The following RNF38 variants were observed in gnomAD, a reference collection of about 807,000 sequenced individuals.
RNF38 encodes the protein ring finger protein 38.
Under a neutral mutation model 67.2 loss-of-function variants are expected in RNF38, and 15 were observed. The ratio of observed to expected loss-of-function variants is 0.22; its 90% CI spans 0.15 to 0.34. The LOEUF (loss-of-function observed/expected upper bound fraction) is 0.34, where lower values mean the gene tolerates loss of function less well. Among genes scored for constraint, RNF38 ranks in the 10% least tolerant of loss-of-function variants. The probability of loss-of-function intolerance (pLI) is 1.00; values close to 1 mark genes in which losing one functional copy is unlikely to be tolerated. For synonymous variants in RNF38, 220 were observed against 218.8 expected, an observed-to-expected ratio of 1.01 and a Z score of -0.05; for missense variants, 524 against 639.9, an observed-to-expected ratio of 0.82 and a Z score of 1.95.
chr9:36,357,956 A>T lies in RNF38; in HGVS notation c.571-14T>A. 6.2e-7 allele frequency: 1 copy of T among 1,602,062 alleles called. No homozygotes were observed. Among genetic ancestry groups the T allele is most frequent in the Non-Finnish European group, 8.5e-7 (1 of 1,172,516 alleles). ...TCCTTGATGGAGCTTTAAAGGAAAA[A>T]ACAAATGAACAAACTTTAGCTGTTT... is the stretch of plus-strand genomic sequence containing the variant. On this transcript the variant is annotated splice_polypyrimidine_tract_variant and intron_variant, in intron 4 of 11. Transcript: ENST00000259605.
At chr9:36,440,269 G>A (rs572761557) in intron 1 of RNF38, among the ~76,000 whole-genome samples, 4 of 151,914 alleles carry the variant, frequency 2.6e-5, no homozygotes, top group South Asian at 2.1e-4. Flanking sequence ...GTGGCAGGGC[G>A]CAGTGGCTCA....
At chr9:36,482,404 G>A (rs1248181174) in intron 1 of RNF38, among the ~76,000 whole-genome samples, 2 of 138,238 alleles carry the variant, frequency 1.4e-5, no homozygotes, top group Admixed American at 8.0e-5. Context: ...CCAGGCTGGA[G>A]TGCAGTGGCG....
At chr9:36,465,504 G>A (rs1028951868) in intron 1 of RNF38, among the ~76,000 whole-genome samples, 1 of 151,954 alleles carries the variant, frequency 6.6e-6, no homozygotes, top group Non-Finnish European at 1.5e-5. Flanking sequence ...ACGCCACCAC[G>A]CCTGGCTGAT....
Position 36,398,078 on chromosome 9 carries a change from C to A in RNF38, c.12+2019G>T, listed in dbSNP as rs1287499724. Among the ~76,000 whole-genome samples, 5 of 152,236 alleles carry A rather than the reference C, an allele frequency of 3.3e-5. No homozygotes were observed. The East Asian group carries it at 9.6e-4, about 29-fold the overall frequency. On this transcript the variant is annotated intron_variant, in intron 1 of 11. Transcript: ENST00000259605. ...ATTGAGTTATAATTTTATTAAATAA[C>A]AATCATAATTCAAATAATTATTGCT... is the stretch of plus-strand genomic sequence containing the variant.
In RNF38 at chr9:36,351,027, T is replaced by C. The variant is rs1833652728; in HGVS notation, c.1263+88A>G. The C allele has an allele frequency of 5.4e-6, 5 of 923,194 alleles. No individual in the cohort carries two copies. In the East Asian group the frequency reaches 1.4e-4, roughly 25 times the overall value. The allele number at this position is 923,194 out of a possible 1,614,324, so 57.2% of individuals were successfully genotyped here. ...CAATGTGGCCCAGGAAGCCAAAAGATTGGACACCTGTGGTTTAAAGAGTTA... is the reference window on the plus strand; with the variant it reads ...CAATGTGGCCCAGGAAGCCAAAAGACTGGACACCTGTGGTTTAAAGAGTTA... On this transcript the variant is annotated intron_variant, in intron 9 of 11. Transcript: ENST00000259605.
chr9:36,395,220 G>T (rs1255581393), intron 1 of RNF38, among the ~76,000 whole-genome samples: 1 of 152,106 alleles, frequency 6.6e-6, no homozygotes, highest in Non-Finnish European at 1.5e-5. Flanking sequence ...TTGGAGACTT[G>T]CAGGTATTAT....
intron 9 of RNF38, among the ~76,000 whole-genome samples, chr9:36,345,762 C>T (rs557042972): frequency 8.5e-5 from 13 of 152,196 alleles, no homozygotes; most frequent in South Asian, 4.2e-4. Context: ...CAAACAAATC[C>T]GTAACTTACC....
At chr9:36,483,677 T>C (rs1840333204) in intron 1 of RNF38, among the ~76,000 whole-genome samples, 1 of 152,216 alleles carries the variant, frequency 6.6e-6, no homozygotes, top group Admixed American at 6.5e-5. Context: ...GAACCTCAAA[T>C]GTTGGTCACA....
At chr9:36,377,827 G>A (rs1835896904) in intron 2 of RNF38, among the ~76,000 whole-genome samples, 1 of 152,032 alleles carries the variant, frequency 6.6e-6, no homozygotes, top group East Asian at 1.9e-4. Context: ...CTGTTATACT[G>A]TATTTTAAAA....
rs386414907 is a variant in RNF38 at position 36,416,742 on chromosome 9, ATTTTTT to A, written n.312+7865_312+7870del. On this transcript the variant is annotated intron_variant and non_coding_transcript_variant, in intron 2 of 3. Transcript: ENST00000488058. ...GGCTCCTTCTTGCTGCTGCCTCGAT[ATTTTTT>A]TTTTTTTTTTTTTTTTTTTTTTGAG... 5.5e-3 allele frequency among the ~76,000 whole-genome samples: 350 copies of A among 63,482 alleles called. 1 individual carries two copies. Among genetic ancestry groups the A allele is most frequent in the African/African-American group, 0.019 (296 of 15,356 alleles). The allele number at this position is 63,482 out of a possible 152,430, so 41.6% of individuals were successfully genotyped here. A position where few individuals can be genotyped will look rare whatever the true frequency, so the allele number is the denominator to read the frequency against.
intron 1 of RNF38, among the ~76,000 whole-genome samples, chr9:36,453,581 A>G (rs904163950): frequency 1.1e-4 from 16 of 151,980 alleles, no homozygotes; most frequent in African/African-American, 3.9e-4. Context: ...ACGGGGTTTC[A>G]CCATGTTGGC....
chr9:36,418,019 G>A (rs1373432913), intron 2 of RNF38, among the ~76,000 whole-genome samples: 1 of 151,288 alleles, frequency 6.6e-6, no homozygotes, highest in Non-Finnish European at 1.5e-5. Flanking sequence ...TGAATAGAGT[G>A]CTGTGTTTGT....
chr9:36,420,286 A>G (rs768935240), intron 2 of RNF38, among the ~76,000 whole-genome samples: 5 of 152,012 alleles, frequency 3.3e-5, no homozygotes, highest in African/African-American at 4.8e-5. Context: ...TAATCCTAGC[A>G]CTTTGGGAGG....
At chr9:36,366,402 A>C (rs1834966617) in intron 4 of RNF38, among the ~76,000 whole-genome samples, 1 of 152,154 alleles carries the variant, frequency 6.6e-6, no homozygotes, top group Non-Finnish European at 1.5e-5. Flanking sequence ...GCAACTGATT[A>C]GTATGTCTGG....
chr9:36,349,907 A>G (rs1189295121), intron 9 of RNF38, among the ~76,000 whole-genome samples: 1 of 152,064 alleles, frequency 6.6e-6, no homozygotes, highest in Non-Finnish European at 1.5e-5. Context: ...CCGGAGTACA[A>G]TGGTGTGATC....
At chr9:36,442,698 G>A (rs1185268869) in intron 1 of RNF38, among the ~76,000 whole-genome samples, 2 of 152,190 alleles carry the variant, frequency 1.3e-5, no homozygotes, top group Non-Finnish European at 2.9e-5. Context: ...AGAATCACTT[G>A]AACCTGGAAA....
intron 2 of RNF38, among the ~76,000 whole-genome samples, chr9:36,389,227 T>C (rs1836880465): frequency 6.6e-6 from 1 of 152,174 alleles, no homozygotes; most frequent in South Asian, 2.1e-4. Context: ...AATTGGCTCT[T>C]TGTTTTGTTT....
chr9:36,452,732 C>T (rs1054810744), intron 1 of RNF38, among the ~76,000 whole-genome samples: 1 of 152,076 alleles, frequency 6.6e-6, no homozygotes, highest in African/African-American at 2.4e-5. Context: ...GGGGTTTTGC[C>T]ATGTTGGCCA....
intron 6 of RNF38, among the ~76,000 whole-genome samples, chr9:36,354,217 A>T (rs1833923246): frequency 6.6e-6 from 1 of 152,142 alleles, no homozygotes; most frequent in Admixed American, 6.5e-5. Context: ...TTTGAGACAG[A>T]GTCTTGCTCT....
Sources: gnomAD v4.1 joint callset for allele counts (sites outside exome capture counted in the v4.1 genomes callset) on GRCh38, gnomAD v4.1.1 for gene constraint, MANE v1.5 for transcripts, NCBI Gene and HGNC (gene_info 2026-07-23, HGNC 2026-07-21) for gene names.